Variants in TAOK2 observed in about 807,000 individuals in gnomAD.
TAOK2 encodes serine/threonine-protein kinase TAO2.
In TAOK2, 42 loss-of-function variants were observed where a neutral mutation model predicts 122.5. That is an observed-to-expected ratio of 0.34 (90% CI 0.27 to 0.44). The LOEUF is 0.44. TAOK2 is among the 20% of genes least tolerant of loss of function. The pLI is 1.00. For missense variants in TAOK2, 1,264 were observed against 1,644.9 expected, an observed-to-expected ratio of 0.77 and a Z score of 4.01; for synonymous variants, 704 against 677.6, an observed-to-expected ratio of 1.04 and a Z score of -0.61.
At chr16:29,977,203 G>T (rs2150881187) in intron 1 of TAOK2, among the ~76,000 whole-genome samples, 1 of 152,174 alleles carries the variant, frequency 6.6e-6, no homozygotes, top group South Asian at 2.1e-4. Context: ...TGACTTTGCG[G>T]GCTCCTCTGG....
chr16:29,991,018 G>A (rs777240353), downstream of TAOK2: 20 of 1,582,366 alleles, frequency 1.3e-5, no homozygotes, highest in Middle Eastern at 1.7e-4. The surrounding 1 kb of genome is among the most constrained non-coding windows in gnomAD (Gnocchi z 5.6). Context: ...TCCTGCCCCC[G>A]ACTCTAACCT....
rs1567250009 is a variant in TAOK2, at chr16:29,987,163, GCCT to G, written c.2895_2897del (p.Leu966del). 1 of 1,571,052 alleles carries G rather than the reference GCCT, an allele frequency of 6.4e-7. No homozygotes were observed. Among genetic ancestry groups the G allele is most frequent in the East Asian group, 2.2e-5 (1 of 44,732 alleles). On this transcript the variant is annotated inframe_deletion, in exon 16 of 16. Transcript: ENST00000308893. Reference sequence around the variant, plus strand: ...TCCTTTGCAGTGGGGTCCTCCTCTGGCCTCCTGCCCCTCCTGCTGCTGCTGCTG... The same window carrying G: ...TCCTTTGCAGTGGGGTCCTCCTCTGGCCTGCCCCTCCTGCTGCTGCTGCTG...
intron 2 of TAOK2, 84 bp from the exon 3 acceptor site, chr16:29,978,005 C>G: frequency 6.2e-7 from 1 of 1,611,924 alleles, no homozygotes. Flanking sequence ...ACTGGTCTTT[C>G]CTGCCTTCTC....
downstream of TAOK2, chr16:29,991,599 C>A (rs1295852752): frequency 4.8e-6 from 7 of 1,448,966 alleles, no homozygotes; most frequent in Non-Finnish European, 6.4e-6. The surrounding 1 kb of genome is among the most constrained non-coding windows in gnomAD (Gnocchi z 5.6). Context: ...ATGAGCTGGG[C>A]AGGGCAGGGG....
At position 29,983,237 on chromosome 16, in the gene TAOK2, G is replaced by A. The variant is rs772575258; in HGVS notation, c.1165G>A (p.Glu389Lys). Residue 389 changes from glutamate to lysine, a missense_variant, in exon 12 of 16, where the codon GAG becomes AAG. Glu to Lys is a moderately conservative substitution (Grantham distance 56). Transcript: ENST00000308893. ...GGAGGAGGAGGAGGAGGAAGAGGAG[G>A]AGGAGGAAGAAGGCCCTGAAGCCCG... ...EEEEEEEEEEEEEEGPEAREM... is the reference protein window; with the variant it reads ...EEEEEEEEEEKEEEGPEAREM... 2 of 1,612,272 alleles carry A rather than the reference G, an allele frequency of 1.2e-6. No homozygotes were observed. The highest frequency in any genetic ancestry group is 1.7e-6 in the Non-Finnish European group (2 of 1,179,956).
At chr16:29,989,414 C>A (rs900367954), downstream of TAOK2, 6 of 985,062 alleles carry the variant, frequency 6.1e-6, no homozygotes, top group Non-Finnish European at 7.2e-6. Flanking sequence ...CAGCTCCCCC[C>A]ACCCCCTCTG....
At chr16:29,991,015 C>T (rs374565814), downstream of TAOK2, 2 of 1,585,664 alleles carry the variant, frequency 1.3e-6, no homozygotes, top group Middle Eastern at 1.7e-4. The surrounding 1 kb of genome is among the most constrained non-coding windows in gnomAD (Gnocchi z 5.6). Context: ...GGCTCCTGCC[C>T]CCGACTCTAA....
chr16:29,979,346 A>C lies in TAOK2; in HGVS notation c.563+38A>C. On this transcript the variant is annotated intron_variant, in intron 7 of 15. Transcript: ENST00000308893. This position sits in a 1 kb window ranked among gnomAD's most constrained non-coding sequence, Gnocchi z 4.1. ...GTGGTGGTGAGTGGAGAGACCTCCC[A>C]GGGATGTTGGGAGTAGGAGTGACAG... 1 of 1,612,132 alleles carries C rather than the reference A, an allele frequency of 6.2e-7. No individual in the cohort carries two copies. Among genetic ancestry groups the C allele is most frequent in the Non-Finnish European group, 8.5e-7 (1 of 1,178,658 alleles).
chr16:29,978,122 A>G lies in TAOK2; in HGVS notation c.166A>G (p.Ile56Val). The change falls in exon 3 of 16, where the codon ATC becomes GTC. Residue 56 changes from isoleucine to valine, a missense_variant. Ile to Val is a conservative substitution (Grantham distance 29). Coordinates refer to ENST00000308893, the MANE Select transcript of TAOK2 (RefSeq NM_016151.4). ...TGTCCGGAATAGTGAGGTGGTGGCCATCAAGAAGATGTCCTACAGTGGGAA... is the reference window on the plus strand; with the variant it reads ...TGTCCGGAATAGTGAGGTGGTGGCCGTCAAGAAGATGTCCTACAGTGGGAA... ...RDVRNSEVVA[I>V]KKMSYSGKQS... 6.2e-7 allele frequency: 1 copy of G among 1,614,128 alleles called. No individual in the cohort carries two copies. Among genetic ancestry groups the G allele is most frequent in the South Asian group, 1.1e-5 (1 of 91,080 alleles).
rs1332434244 is a variant in TAOK2, at chr16:29,987,188, G to C, written c.2916G>C (p.Leu972=). The part of the protein sequence containing the change: ...SSGLLPLLLL[L]LLPLLAAQGG... Reference sequence around the variant, plus strand: ...GCCTCCTGCCCCTCCTGCTGCTGCTGCTGCTTCCATTGCTGGCAGCCCAGG... The same window carrying C: ...GCCTCCTGCCCCTCCTGCTGCTGCTCCTGCTTCCATTGCTGGCAGCCCAGG... Residue 972 remains leucine, a synonymous_variant, in exon 16 of 16, where the codon CTG becomes CTC. Coordinates refer to ENST00000308893, the MANE Select transcript of TAOK2 (RefSeq NM_016151.4). The C allele has an allele frequency of 6.4e-7, 1 of 1,555,346 alleles. No homozygotes were observed. The highest frequency in any genetic ancestry group is 1.4e-5 in the African/African-American group (1 of 72,688).
At position 29,986,396 on chromosome 16, in the gene TAOK2, G is replaced by A. The variant is rs1199382243; in HGVS notation, c.2124G>A (p.Leu708=). 1 of 1,611,100 alleles carries A rather than the reference G, an allele frequency of 6.2e-7. No homozygotes were observed. Among genetic ancestry groups the A allele is most frequent in the Non-Finnish European group, 8.5e-7 (1 of 1,178,412 alleles). ...GCACGCGGGCTGAGCTCACCCGCCT[G>A]CAGCACCAGACGGAGCTGGGCAACC... ...VQRTRAELTR[L]QHQTELGNQL... Residue 708 remains leucine, a synonymous_variant, in exon 16 of 16, where the codon CTG becomes CTA. Coordinates refer to ENST00000308893, the MANE Select transcript of TAOK2 (RefSeq NM_016151.4). This position sits in a 1 kb window ranked among gnomAD's most constrained non-coding sequence, Gnocchi z 4.2.
intron 1 of TAOK2, among the ~76,000 whole-genome samples, chr16:29,975,234 C>T (rs1596590528): frequency 1.3e-5 from 2 of 152,192 alleles, no homozygotes; most frequent in Non-Finnish European, 2.9e-5. Context: ...GTCAAACGAT[C>T]TGTCTTTTAC....
chr16:29,975,188 C>A (rs910000557), intron 1 of TAOK2, among the ~76,000 whole-genome samples: 2 of 152,094 alleles, frequency 1.3e-5, no homozygotes, highest in African/African-American at 4.8e-5. Context: ...ACCTTCCAAC[C>A]TCTTGCTGTG....
chr16:29,987,642 C>T lies in TAOK2; in HGVS notation c.3370C>T (p.Arg1124Cys), dbSNP rs905235426. Residue 1124 changes from arginine (R) to cysteine (C), a missense_variant, in exon 16 of 16, where the codon CGC (arginine) becomes TGC (cysteine). Arg to Cys is a radical substitution (Grantham distance 180). Around this residue, in one of 4 missense-constraint regions of TAOK2, gnomAD observed 824 missense variants for 908.7 expected, o/e 0.91. Transcript: ENST00000308893. The part of the protein sequence containing the change: ...LYPKTNKDGF[R>C]SRLPVPGPRR... ...CCCCAAAACCAACAAGGATGGCTTCCGCAGCCGCCTGCCCGTCCCTGGGCC... is the reference window on the plus strand; with the variant it reads ...CCCCAAAACCAACAAGGATGGCTTCTGCAGCCGCCTGCCCGTCCCTGGGCC... 22 of 1,613,262 alleles carry T rather than the reference C, an allele frequency of 1.4e-5. No homozygotes were observed. Among genetic ancestry groups the T allele is most frequent in the Non-Finnish European group, 1.5e-5 (18 of 1,179,560 alleles).
intron 8 of TAOK2, 182 bp from the exon 9 acceptor site, chr16:29,981,479 G>A (rs1567241373): frequency 1.5e-6 from 1 of 673,822 alleles, no homozygotes; most frequent in Non-Finnish European, 2.7e-6. Context: ...TGGAGAGGAT[G>A]GGTGTTGTAT....
chr16:29,987,965 GC>G lies in TAOK2; in HGVS notation c.3699del (p.Trp1234GlyfsTer4). ...CACGCACCCGCCAGTCCCGGGCCCTGCCCCCCTGGAGGTAGCTGACTCCAGC... is the reference window on the plus strand; with the variant it reads ...CACGCACCCGCCAGTCCCGGGCCCTGCCCCCTGGAGGTAGCTGACTCCAGC... ...RSRTRQSRALPPWR is the reference protein window; with the variant it reads ...RSRTRQSRALXPWR On this transcript the variant is annotated frameshift_variant, in exon 16 of 16. Coordinates refer to ENST00000308893, the MANE Select transcript of TAOK2 (RefSeq NM_016151.4). LOFTEE classifies it high-confidence loss of function. The G allele has an allele frequency of 1.3e-6, 2 of 1,539,328 alleles. No homozygotes were observed. Among genetic ancestry groups the G allele is most frequent in the Admixed American group, 1.8e-5 (1 of 54,176 alleles).
chr16:29,982,182 C>T (rs2069639237), intron 10 of TAOK2, among the ~76,000 whole-genome samples: 1 of 152,200 alleles, frequency 6.6e-6, no homozygotes, highest in African/African-American at 2.4e-5. Context: ...TATATAATTG[C>T]CAGCCAGAGC....
rs1232539311 is a variant in TAOK2, at chr16:29,982,900, A to G, written c.998A>G (p.Glu333Gly). The G allele has an allele frequency of 6.2e-7, 1 of 1,613,798 alleles. No homozygotes were observed. The highest frequency in any genetic ancestry group is 1.3e-5 in the African/African-American group (1 of 75,010). ...GPGAEAPEEE[E>G]EAEPYMHRAG... ...GGTGCCGAGGCCCCAGAGGAGGAAG[A>G]GGTGACCCAGCTTGCCCTAACACCC... The change falls in exon 11 of 16, where the codon GAG becomes GGG. Residue 333 changes from glutamate (E) to glycine (G), a missense_variant and splice_region_variant. Physicochemically the swap from Glu to Gly is moderately conservative, Grantham distance 98 (BLOSUM62 -2). Coordinates refer to ENST00000308893, the MANE Select transcript of TAOK2 (RefSeq NM_016151.4).
At chr16:29,982,587 T>A in intron 10 of TAOK2, 147 bp from the exon 11 acceptor site, 1 of 1,091,724 alleles carries the variant, frequency 9.2e-7, no homozygotes, top group South Asian at 1.6e-5. Flanking sequence ...CAGAAAATTG[T>A]GAGAGAAGGG....
Sources: gnomAD v4.1 joint callset for allele counts (sites outside exome capture counted in the v4.1 genomes callset) on GRCh38, gnomAD v4.1.1 for gene constraint, gnomAD v4.1.1 regional missense constraint, Gnocchi (gnomAD v3.1) non-coding constraint, MANE v1.5 for transcripts, NCBI Gene and HGNC (gene_info 2026-07-23, HGNC 2026-07-21) for gene names.